The following ADGRL3 variants were observed in gnomAD, a reference collection of about 807,000 sequenced individuals.
The protein encoded by ADGRL3 is calcium-independent alpha-latrotoxin receptor 3.
ADGRL3 carries 62 observed loss-of-function variants against 153.5 expected under a neutral mutation model. The observed-to-expected ratio is 0.40, with a 90% CI of 0.33 to 0.50. The LOEUF is 0.50. Ranked by LOEUF, ADGRL3 falls within the 20% of genes least tolerant of loss-of-function variation. The pLI, the probability that ADGRL3 is intolerant of heterozygous loss-of-function variation, is 0.47. For missense variants in ADGRL3, 1,641 were observed against 1,859.4 expected (o/e 0.88, Z 2.16); for synonymous variants, 710 against 672.5 (o/e 1.06, Z -0.86).
At chr4:61,568,817 C>A (rs1175104479) in intron 4 of ADGRL3, among the ~76,000 whole-genome samples, 1 of 151,962 alleles carries the variant, frequency 6.6e-6, no homozygotes, top group Non-Finnish European at 1.5e-5. Flanking sequence ...CCTTTTTTCT[C>A]ATGATTCCTT....
chr4:61,699,697 G>A (rs2095712631), intron 6 of ADGRL3, among the ~76,000 whole-genome samples: 1 of 152,076 alleles, frequency 6.6e-6, no homozygotes. Context: ...TTAACCACAT[G>A]TTCAGTGATT....
chr4:61,539,345 C>T (rs539814878), intron 4 of ADGRL3, among the ~76,000 whole-genome samples: 4 of 152,316 alleles, frequency 2.6e-5, no homozygotes, highest in East Asian at 1.9e-4. Flanking sequence ...CTTCTCTCCA[C>T]GCCTATTCCT....
rs542454812 is a variant in ADGRL3 at position 61,304,604 on chromosome 4, A to T, written c.-239-78520A>T. On this transcript the variant is annotated intron_variant, in intron 1 of 26. Transcript: ENST00000683033. ...TGTTTGTTTTAACTTTCACATTTTCATTTTAGGAGAAATTGATTGGGTGAG... is the reference window on the plus strand; with the variant it reads ...TGTTTGTTTTAACTTTCACATTTTCTTTTTAGGAGAAATTGATTGGGTGAG... 5.9e-5 allele frequency among the ~76,000 whole-genome samples: 9 copies of T among 151,882 alleles called. No homozygotes were observed. In the South Asian group the frequency reaches 1.9e-3, roughly 32 times the overall value.
At chr4:61,536,622 T>C (rs1246174164) in intron 4 of ADGRL3, among the ~76,000 whole-genome samples, 1 of 152,118 alleles carries the variant, frequency 6.6e-6, no homozygotes, top group Non-Finnish European at 1.5e-5. Flanking sequence ...CATTGAACCC[T>C]TTATCATTAT....
At chr4:61,395,707 A>C (rs1243630993) in intron 2 of ADGRL3, among the ~76,000 whole-genome samples, 3 of 152,000 alleles carry the variant, frequency 2.0e-5, no homozygotes, top group African/African-American at 7.2e-5. Flanking sequence ...ATTGAAAAAA[A>C]TAGCCAATTA....
intron 1 of ADGRL3, among the ~76,000 whole-genome samples, chr4:61,286,579 T>C (rs2093950607): frequency 6.6e-6 from 1 of 151,664 alleles, no homozygotes; most frequent in African/African-American, 2.4e-5. Context: ...CTGAAGCAAA[T>C]TGGTGAATTA....
At chr4:62,068,422 A>C (rs776607668) in intron 26 of ADGRL3, among the ~76,000 whole-genome samples, 22 of 152,288 alleles carry the variant, frequency 1.4e-4, no homozygotes, top group Non-Finnish European at 2.8e-4. Context: ...TGTTTGTGTG[A>C]GTTAAATTGT....
rs182756627 is a variant in ADGRL3 at position 61,221,709 on chromosome 4, A to G, written c.-240+19944A>G. On this transcript the variant is annotated intron_variant, in intron 1 of 26. Transcript: ENST00000683033. ...TTTATTTTTTCTGAGTAGTATATTA[A>G]AAGAGCTGTTAAACACTTTGTGACA... Among the ~76,000 whole-genome samples, 144 of 152,244 alleles carry G rather than the reference A, an allele frequency of 9.5e-4. 1 individual carries two copies. The highest frequency in any genetic ancestry group is 3.3e-3 in the African/African-American group (138 of 41,566).
chr4:61,955,972 T>C (rs1201386442), intron 17 of ADGRL3, among the ~76,000 whole-genome samples: 1 of 152,216 alleles, frequency 6.6e-6, no homozygotes, highest in Non-Finnish European at 1.5e-5. Flanking sequence ...GACTTTGCTA[T>C]TGTAAATAGT....
Position 61,813,832 on chromosome 4 carries a change from T to G in ADGRL3, c.1423T>G (p.Ser475Ala). Reference protein sequence around the residue: ...RSGQAHHGQVSYISPPIHLDS... With the variant: ...RSGQAHHGQVAYISPPIHLDS... Reference sequence around the variant, plus strand: ...AGGGCAGGCACATCATGGACAAGTTTCATACATTTCTCCGCCAATTCACCT... The same window carrying G: ...AGGGCAGGCACATCATGGACAAGTTGCATACATTTCTCCGCCAATTCACCT... Residue 475 changes from serine to alanine, a missense_variant, in exon 9 of 27, where the codon TCA becomes GCA. Transcript: ENST00000683033. 1 of 1,575,232 alleles carries G rather than the reference T, an allele frequency of 6.3e-7. No individual in the cohort carries two copies. The highest frequency in any genetic ancestry group is 8.7e-7 in the Non-Finnish European group (1 of 1,144,776).
chr4:61,979,988 A>G (rs1452370461), intron 18 of ADGRL3, among the ~76,000 whole-genome samples: 1 of 152,228 alleles, frequency 6.6e-6, no homozygotes, highest in Admixed American at 6.5e-5. Context: ...TCATTTTTAA[A>G]TAGACTTTTG....
intron 2 of ADGRL3, chr4:61,420,548 A>C (rs1010180619): frequency 2.0e-5 from 3 of 151,410 alleles, no homozygotes; most frequent in Non-Finnish European, 4.4e-5. Flanking sequence ...CTGGGACCAC[A>C]GGCGCCCGCC....
rs187981653 is a variant in ADGRL3, at chr4:61,852,535, A to G, written c.1480+38646A>G. ...TCGCCATGTTGGCCAGGCTGGTCTC[A>G]AACTCCTGACCTCAAGCGATCCGCC... On this transcript the variant is annotated intron_variant, in intron 9 of 26. Transcript: ENST00000683033. Among the ~76,000 whole-genome samples, 696 of 152,046 alleles carry G rather than the reference A, an allele frequency of 4.6e-3. 6 individuals are homozygous for G. The highest frequency in any genetic ancestry group is 0.016 in the African/African-American group (673 of 41,508).
At chr4:61,396,790 C>A (rs184398665) in intron 2 of ADGRL3, among the ~76,000 whole-genome samples, 1 of 151,692 alleles carries the variant, frequency 6.6e-6, no homozygotes, top group African/African-American at 2.4e-5. Flanking sequence ...TAATTCAATG[C>A]TAATAACATG....
At chr4:61,779,879 C>A (rs970597444) in intron 8 of ADGRL3, among the ~76,000 whole-genome samples, 3 of 151,960 alleles carry the variant, frequency 2.0e-5, no homozygotes, top group Admixed American at 2.0e-4. Flanking sequence ...ATATAAATCA[C>A]CCCGGGATCA....
At chr4:61,388,022 C>CGGGTCCCTCCATTTG (rs1269227269) in intron 2 of ADGRL3, among the ~76,000 whole-genome samples, 2 of 152,090 alleles carry the variant, frequency 1.3e-5, no homozygotes, top group Admixed American at 1.3e-4. Flanking sequence ...ATGGTTTCAG[C>CGGGTCCCTCCATTTG]GGGTCCCTCC....
rs1373416487 is a variant in ADGRL3 at position 61,971,734 on chromosome 4, C to G, written c.2806-7829C>G. Among the ~76,000 whole-genome samples the G allele has an allele frequency of 4.6e-5, 7 of 152,276 alleles. No individual in the cohort carries two copies. The South Asian group carries it at 8.3e-4, about 18-fold the overall frequency. ...TCTAGATCCCTGAGGAATTGCCACACTGACTTCCACAATGGTTGAACTAGT... is the reference window on the plus strand; with the variant it reads ...TCTAGATCCCTGAGGAATTGCCACAGTGACTTCCACAATGGTTGAACTAGT... On this transcript the variant is annotated intron_variant, in intron 17 of 26. Transcript: ENST00000683033.
chr4:61,626,155 A>T (rs979647060), intron 5 of ADGRL3, among the ~76,000 whole-genome samples: 1 of 151,996 alleles, frequency 6.6e-6, no homozygotes, highest in African/African-American at 2.4e-5. Flanking sequence ...TTACTTTTTC[A>T]TGTGATTTAA....
At chr4:61,982,525 T>G (rs2099072106) in intron 18 of ADGRL3, among the ~76,000 whole-genome samples, 3 of 152,180 alleles carry the variant, frequency 2.0e-5, no homozygotes, top group African/African-American at 7.2e-5. Flanking sequence ...GTTGACCTTT[T>G]CTAGTAGCAG....
Sources: allele counts gnomAD v4.1 joint callset (sites outside exome capture counted in the v4.1 genomes callset), GRCh38; gene constraint gnomAD v4.1.1; transcripts MANE v1.5; gene names NCBI Gene and HGNC (gene_info 2026-07-23, HGNC 2026-07-21).